SNX29: variants seen among roughly 807,000 people sequenced by gnomAD.
SNX29 encodes sorting nexin 29.
In SNX29, 78 loss-of-function variants were observed where a neutral mutation model predicts 102.1. That is an observed-to-expected ratio of 0.76 (90% CI 0.64 to 0.92). The LOEUF (loss-of-function observed/expected upper bound fraction) is 0.92, where lower values mean the gene tolerates loss of function less well. SNX29 is among the 40% of genes least tolerant of loss of function. The pLI is 0.00. For synonymous variants in SNX29, 580 were observed against 414.5 expected (o/e 1.40, Z -4.85); for missense variants, 1,280 against 1,061.7 (o/e 1.21, Z -2.86).
At chr16:12,189,619 A>C (rs1370330521) in intron 13 of SNX29, among the ~76,000 whole-genome samples, 1 of 152,044 alleles carries the variant, frequency 6.6e-6, no homozygotes, top group African/African-American at 2.4e-5. Flanking sequence ...TTCACTGTGG[A>C]GTTTCCCCTT....
intron 20 of SNX29, among the ~76,000 whole-genome samples, chr16:12,539,544 A>AACATTCAAGTGC (rs1285208336): frequency 6.6e-6 from 1 of 152,214 alleles, no homozygotes; most frequent in African/African-American, 2.4e-5. Flanking sequence ...AGCTAGTGGA[A>AACATTCAAGTGC]ACATTCAAGT....
Position 12,052,197 on chromosome 16 carries a change from A to G in SNX29, c.1099A>G (p.Arg367Gly). Residue 367 changes from arginine (R) to glycine (G), a missense_variant, in exon 8 of 21, where the codon AGG (arginine) becomes GGG (glycine). Transcript: ENST00000566228. The part of the protein sequence containing the change: ...VYGNSSGRKH[R>G]GHSESPEKPL... ...TGGAAACTCATCAGGAAGGAAGCAC[A>G]GGGGCCACTCGGAGTCGCCCGAGAA... 6.2e-7 allele frequency: 1 copy of G among 1,613,958 alleles called. No individual in the cohort carries two copies. The highest frequency in any genetic ancestry group is 8.5e-7 in the Non-Finnish European group (1 of 1,179,852).
chr16:12,057,474 T>A (rs1339864365), intron 8 of SNX29, among the ~76,000 whole-genome samples: 1 of 152,062 alleles, frequency 6.6e-6, no homozygotes, highest in Non-Finnish European at 1.5e-5. Context: ...TTGATAGCCA[T>A]GGGGGAAAGC....
At chr16:12,039,173 G>A (rs1041434995) in intron 4 of SNX29, among the ~76,000 whole-genome samples, 41 of 152,238 alleles carry the variant, frequency 2.7e-4, no homozygotes, top group Non-Finnish European at 1.2e-4. Flanking sequence ...AGGAACCCAC[G>A]CGAATGCCCT....
intron 7 of SNX29, 47 bp from the exon 8 acceptor site, chr16:12,051,800 C>G: frequency 6.3e-7 from 1 of 1,585,484 alleles, no homozygotes; most frequent in Non-Finnish European, 8.5e-7. Context: ...ATCCTTTTGT[C>G]TTGCCTCCTT....
At chr16:12,364,416 C>CTTCTTTTTTTTTTTTTTTTTTTTTTTT (rs1555520124) in intron 16 of SNX29, among the ~76,000 whole-genome samples, 2 of 98,776 alleles carry the variant, frequency 2.0e-5, no homozygotes, top group African/African-American at 6.7e-5. Flanking sequence ...CTCTCTTCTT[C>CTTCTTTTTTTTTTTTTTTTTTTTTTTT]TTTTTTTTTT....
rs560425203 is a variant in SNX29 at position 12,540,857 on chromosome 16, CA to C, written c.2318+16017del. On this transcript the variant is annotated intron_variant, in intron 20 of 20. Coordinates refer to ENST00000566228, the MANE Select transcript of SNX29 (RefSeq NM_032167.5). ...CAAGATCGCCTCCACCCTTTCTGAG[CA>C]GGAGTGCCCTTTTCCACTTCTGGAC... Among the ~76,000 whole-genome samples the C allele has an allele frequency of 5.3e-5, 8 of 152,340 alleles. No homozygotes were observed. In the South Asian group the frequency reaches 1.7e-3, roughly 32 times the overall value.
At chr16:12,150,075 A>G (rs9922788) in intron 13 of SNX29, among the ~76,000 whole-genome samples, 103,480 of 152,080 alleles carry the variant, frequency 0.68, 37,081 homozygotes, top group East Asian at 0.91. Context: ...CAAGGTCCCA[A>G]TGAGGAGTTT....
At chr16:12,475,079 T>C (rs1269433063) in intron 18 of SNX29, among the ~76,000 whole-genome samples, 3 of 152,216 alleles carry the variant, frequency 2.0e-5, no homozygotes, top group Non-Finnish European at 4.4e-5. Context: ...ACCTGAATTC[T>C]CTCCATATCA....
chr16:12,026,029 T>C (rs1009967751), intron 3 of SNX29, among the ~76,000 whole-genome samples: 1 of 152,150 alleles, frequency 6.6e-6, no homozygotes, highest in Non-Finnish European at 1.5e-5. Flanking sequence ...TATGAAAATA[T>C]TTTACTACCC....
intron 18 of SNX29, among the ~76,000 whole-genome samples, chr16:12,432,224 C>T (rs572211375): frequency 7.9e-5 from 12 of 152,312 alleles, no homozygotes; most frequent in African/African-American, 2.4e-4. Flanking sequence ...CTGAACAGAT[C>T]GGTCCTCCGC....
intron 16 of SNX29, 64 bp from the exon 17 acceptor site, chr16:12,398,382 A>G (rs2083794134): frequency 6.4e-7 from 1 of 1,558,726 alleles, no homozygotes; most frequent in African/African-American, 1.4e-5. Context: ...TTCTTCTGTG[A>G]TTATGCAAAC....
At chr16:12,261,391 T>TGC (rs2078755271) in intron 14 of SNX29, among the ~76,000 whole-genome samples, 3 of 106,638 alleles carry the variant, frequency 2.8e-5, no homozygotes, top group South Asian at 3.5e-4. Context: ...TCTGTGCACG[T>TGC]GTCCCCGGCT....
intron 18 of SNX29, among the ~76,000 whole-genome samples, chr16:12,434,385 G>A (rs1032413369): frequency 6.6e-6 from 1 of 152,136 alleles, no homozygotes; most frequent in African/African-American, 2.4e-5. Context: ...GGACAGGCCT[G>A]TACCCTGAAA....
intron 13 of SNX29, among the ~76,000 whole-genome samples, chr16:12,184,781 A>T (rs189563162): frequency 6.6e-6 from 1 of 152,250 alleles, no homozygotes; most frequent in African/African-American, 2.4e-5. Flanking sequence ...GGAATGGAAC[A>T]TAGCAGAAAC....
intron 13 of SNX29, among the ~76,000 whole-genome samples, chr16:12,136,678 C>T (rs1255415323): frequency 6.6e-6 from 1 of 152,194 alleles, no homozygotes; most frequent in South Asian, 2.1e-4. Context: ...CGCACAGGAT[C>T]CAAAGGGAAG....
At chr16:11,996,840 G>A (rs1004166721) in intron 1 of SNX29, among the ~76,000 whole-genome samples, 1 of 152,204 alleles carries the variant, frequency 6.6e-6, no homozygotes, top group African/African-American at 2.4e-5. Flanking sequence ...CATCCTGAGC[G>A]ATGCCTTGAG....
At chr16:12,248,015 G>A (rs976720678) in intron 14 of SNX29, among the ~76,000 whole-genome samples, 4 of 152,116 alleles carry the variant, frequency 2.6e-5, no homozygotes, top group Non-Finnish European at 5.9e-5. Flanking sequence ...CAGGCCCACC[G>A]TAATCAGATG....
intron 16 of SNX29, among the ~76,000 whole-genome samples, chr16:12,359,282 A>G (rs1398025888): frequency 6.6e-6 from 1 of 152,212 alleles, no homozygotes; most frequent in Non-Finnish European, 1.5e-5. Context: ...GTCTTTGTTG[A>G]TGGTTGTGGT....
Sources: allele counts gnomAD v4.1 joint callset (sites outside exome capture counted in the v4.1 genomes callset), GRCh38; gene constraint gnomAD v4.1.1; transcripts MANE v1.5; gene names NCBI Gene and HGNC (gene_info 2026-07-23, HGNC 2026-07-21).